The following TGFBR3 variants were observed in gnomAD, a reference collection of about 807,000 sequenced individuals.
TGFBR3 encodes transforming growth factor beta receptor 3.
In TGFBR3, 46 loss-of-function variants were observed where a neutral mutation model predicts 87.9. The observed-to-expected ratio is 0.52, with a 90% CI of 0.41 to 0.67. The LOEUF (loss-of-function observed/expected upper bound fraction) is 0.67, where lower values mean the gene tolerates loss of function less well. Among genes scored for constraint, TGFBR3 ranks in the 30% least tolerant of loss-of-function variants. The pLI, the probability that TGFBR3 is intolerant of heterozygous loss-of-function variation, is 0.00. For missense variants in TGFBR3, 866 were observed against 1,041.9 expected (o/e 0.83, Z 2.32); for synonymous variants, 381 against 391.6 (o/e 0.97, Z 0.32).
At chr1:91,832,776 G>C (rs1359207456) in intron 2 of TGFBR3, among the ~76,000 whole-genome samples, 1 of 152,134 alleles carries the variant, frequency 6.6e-6, no homozygotes, top group African/African-American at 2.4e-5. Context: ...GCCGAGGCAG[G>C]CGGATCACAT....
intron 1 of TGFBR3, among the ~76,000 whole-genome samples, chr1:91,877,140 A>G (rs1463290379): frequency 6.6e-6 from 1 of 152,098 alleles, no homozygotes; most frequent in East Asian, 1.9e-4. Context: ...ATCCCCTATT[A>G]TTATGCAAAA....
chr1:91,808,564 C>T (rs552736052), intron 2 of TGFBR3, among the ~76,000 whole-genome samples: 3 of 152,156 alleles, frequency 2.0e-5, no homozygotes, highest in Non-Finnish European at 2.9e-5. Context: ...CTCCTGGGTT[C>T]GAGTGATTCT....
chr1:91,875,518 AAAG>A (rs1165587083), intron 1 of TGFBR3, among the ~76,000 whole-genome samples: 1 of 152,126 alleles, frequency 6.6e-6, no homozygotes, highest in Non-Finnish European at 1.5e-5. Context: ...AAGAAAAAGA[AAAG>A]AAGAGGGGAG....
chr1:91,714,391 A>G (rs1196654249), intron 12 of TGFBR3, among the ~76,000 whole-genome samples: 1 of 152,212 alleles, frequency 6.6e-6, no homozygotes, highest in African/African-American at 2.4e-5. Context: ...GAAAACTGCC[A>G]TTATGTGACC....
intron 1 of TGFBR3, among the ~76,000 whole-genome samples, chr1:91,884,193 G>A (rs1368084424): frequency 2.9e-5 from 3 of 102,808 alleles, no homozygotes; most frequent in South Asian, 3.2e-4. Flanking sequence ...GGTAGCGCGC[G>A]CCTGTAGTCC....
intron 2 of TGFBR3, among the ~76,000 whole-genome samples, chr1:91,898,306 G>A (rs899725975): frequency 6.6e-6 from 1 of 152,136 alleles, no homozygotes; most frequent in Admixed American, 6.6e-5. Context: ...CTATTAGTAT[G>A]AATGTGTCCA....
chr1:91,903,338 C>CAAAAAA (rs58672104), intron 1 of TGFBR3, among the ~76,000 whole-genome samples: 1,501 of 50,456 alleles, frequency 0.03, 261 homozygotes, highest in Non-Finnish European at 0.035. Context: ...GATTCTGCCT[C>CAAAAAA]AAAAAAAAAA....
intron 2 of TGFBR3, among the ~76,000 whole-genome samples, chr1:91,801,391 C>G (rs1164738878): frequency 1.3e-5 from 2 of 151,922 alleles, no homozygotes; most frequent in African/African-American, 4.8e-5. Flanking sequence ...GAGAAGGGGA[C>G]AGAGTTAAGT....
chr1:91,713,643 GCA>G (rs1336422496), intron 12 of TGFBR3, among the ~76,000 whole-genome samples: 19 of 152,242 alleles, frequency 1.2e-4, no homozygotes, highest in African/African-American at 4.3e-4. Flanking sequence ...TGAATCCGCA[GCA>G]CTGTTGTGAA....
rs769853640 is a variant in TGFBR3, at chr1:91,797,374, G to A, written c.159C>T (p.Ala53=). 32 of 1,614,106 alleles carry A rather than the reference G, an allele frequency of 2.0e-5. No individual in the cohort carries two copies. Among genetic ancestry groups the A allele is most frequent in the South Asian group, 1.8e-4 (16 of 91,086 alleles). Reference sequence around the variant, plus strand: ...GTGGCAGCCCAGTTGTGCCTCTGCTGGCACAGCCTGACAAAACAGTGAAGC... The same window carrying A: ...GTGGCAGCCCAGTTGTGCCTCTGCTAGCACAGCCTGACAAAACAGTGAAGC... ...MESFTVLSGC[A]SRGTTGLPQE... Residue 53 remains alanine, a synonymous_variant, in exon 3 of 17, where the codon GCC becomes GCT. Coordinates refer to ENST00000212355, the MANE Select transcript of TGFBR3 (RefSeq NM_003243.5).
chr1:91,727,399 G>T (rs1303430723), intron 7 of TGFBR3, among the ~76,000 whole-genome samples: 1 of 152,162 alleles, frequency 6.6e-6, no homozygotes, highest in Non-Finnish European at 1.5e-5. Flanking sequence ...TGAGGGAGCT[G>T]GGGTTCAGAG....
chr1:91,829,167 G>A (rs1676758204), intron 2 of TGFBR3, among the ~76,000 whole-genome samples: 1 of 152,018 alleles, frequency 6.6e-6, no homozygotes, highest in South Asian at 2.1e-4. Context: ...CTTGAGGTCA[G>A]GAGTTCAAGA....
chr1:91,831,286 T>C (rs557001367), intron 2 of TGFBR3, among the ~76,000 whole-genome samples: 1 of 152,332 alleles, frequency 6.6e-6, no homozygotes, highest in African/African-American at 2.4e-5. Flanking sequence ...CAAGTCACCT[T>C]GGCTAGAGCC....
chr1:91,729,071 CACACA>C (rs1292450582), intron 6 of TGFBR3, among the ~76,000 whole-genome samples: 9 of 124,142 alleles, frequency 7.2e-5, no homozygotes, highest in South Asian at 4.8e-4. Context: ...CACACACACA[CACACA>C]CCAAGCACAC....
intron 3 of TGFBR3, among the ~76,000 whole-genome samples, chr1:91,762,902 G>A (rs1049942784): frequency 6.6e-6 from 1 of 151,010 alleles, no homozygotes; most frequent in African/African-American, 2.4e-5. Context: ...CAACTCTAAG[G>A]AGCACAAAGC....
intron 2 of TGFBR3, among the ~76,000 whole-genome samples, chr1:91,804,231 C>T (rs1675752490): frequency 6.6e-6 from 1 of 152,082 alleles, no homozygotes; most frequent in Non-Finnish European, 1.5e-5. Flanking sequence ...TTTTTGGTTG[C>T]TAAGAATCAA....
At chr1:91,812,947 T>A (rs1465323516) in intron 2 of TGFBR3, among the ~76,000 whole-genome samples, 1 of 152,154 alleles carries the variant, frequency 6.6e-6, no homozygotes. Context: ...TTCATACTTG[T>A]GGGTTTTTTT....
chr1:91,864,128 C>T (rs961244523), intron 1 of TGFBR3: 2 of 152,196 alleles, frequency 1.3e-5, no homozygotes, highest in African/African-American at 4.8e-5. Flanking sequence ...AAGAAGATGA[C>T]TTCCCAGAGG....
intron 2 of TGFBR3, among the ~76,000 whole-genome samples, chr1:91,857,409 G>A (rs1304142331): frequency 6.6e-6 from 1 of 151,596 alleles, no homozygotes; most frequent in Non-Finnish European, 1.5e-5. Flanking sequence ...GCTAGGCCAG[G>A]TTTTCCCACC....
Sources: allele counts gnomAD v4.1 joint callset (sites outside exome capture counted in the v4.1 genomes callset), GRCh38; gene constraint gnomAD v4.1.1; transcripts MANE v1.5; gene names NCBI Gene and HGNC (gene_info 2026-07-23, HGNC 2026-07-21).